Variants in FAT3 observed in about 807,000 individuals in gnomAD.
The protein encoded by FAT3 is FAT atypical cadherin 3, also known as protocadherin Fat 3.
In FAT3, 95 loss-of-function variants were observed where a neutral mutation model predicts 310.2. The observed-to-expected ratio is 0.31, with a 90% CI of 0.26 to 0.36. The LOEUF is 0.36. Among genes scored for constraint, FAT3 ranks in the 10% least tolerant of loss-of-function variants. The pLI, the probability that FAT3 is intolerant of heterozygous loss-of-function variation, is 1.00. For synonymous variants in FAT3, 2,314 were observed against 2,192.9 expected, an observed-to-expected ratio of 1.06 and a Z score of -1.54; for missense variants, 5,408 against 5,715.6, an observed-to-expected ratio of 0.95 and a Z score of 1.74.
chr11:92,676,148 C>T (rs184795517), intron 3 of FAT3, among the ~76,000 whole-genome samples: 18 of 152,210 alleles, frequency 1.2e-4, no homozygotes, highest in Admixed American at 7.8e-4. Flanking sequence ...ATTGTTGTTA[C>T]GTCTACTGTA....
chr11:92,799,313 G>A lies in FAT3; in HGVS notation c.6300G>A (p.Gly2100=), dbSNP rs1415582717. The change falls in exon 10 of 28, where the codon GGG becomes GGA. Residue 2100 remains glycine, a synonymous_variant. Transcript: ENST00000525166. ...YAAVQVDAEP[G]TLIYQVTAID... is the part of the protein sequence containing the mutation. ...CTGTTCAAGTGGATGCGGAACCCGG[G>A]ACTCTGATTTATCAGGTGACAGCCA... 1.9e-6 allele frequency: 3 copies of A among 1,613,874 alleles called. No homozygotes were observed. The highest frequency in any genetic ancestry group is 1.7e-4 in the Middle Eastern group (1 of 6,060).
At chr11:92,432,399 C>G (rs1040034657) in intron 2 of FAT3, among the ~76,000 whole-genome samples, 2 of 152,120 alleles carry the variant, frequency 1.3e-5, no homozygotes, top group African/African-American at 4.8e-5. Flanking sequence ...TGTGCTGAGA[C>G]GATGGAGTTT....
intron 2 of FAT3, among the ~76,000 whole-genome samples, chr11:92,441,955 C>A (rs960575385): frequency 1.3e-5 from 2 of 151,254 alleles, no homozygotes; most frequent in Non-Finnish European, 2.9e-5. Context: ...GACACGTTCA[C>A]GACTCAGGAG....
At position 92,344,845 on chromosome 11, in the gene FAT3, C is replaced by T. The variant is rs182189559; in HGVS notation, c.-17-7251C>T. ...CAGGCATTCACTGGGTGTCTTGAAA[C>T]GTACCCCCCTCAGATAAGGCTGGGG... is the stretch of plus-strand genomic sequence containing the variant. On this transcript the variant is annotated intron_variant, in intron 1 of 27. Transcript: ENST00000525166. Among the ~76,000 whole-genome samples the T allele has an allele frequency of 1.8e-4, 28 of 152,204 alleles. No individual in the cohort carries two copies. The East Asian group carries it at 3.1e-3, about 17-fold the overall frequency.
chr11:92,359,301 T>G (rs1232147073), intron 2 of FAT3, among the ~76,000 whole-genome samples: 1 of 152,208 alleles, frequency 6.6e-6, no homozygotes. Context: ...TCTTTTCTAG[T>G]CAAATTTTAC....
chr11:92,639,494 ATCTCTCTT>A (rs1450875098), intron 3 of FAT3, among the ~76,000 whole-genome samples: 2 of 151,534 alleles, frequency 1.3e-5, no homozygotes, highest in African/African-American at 4.9e-5. Flanking sequence ...CTCTCTCTCA[ATCTCTCTT>A]TCTCTCCTCC....
intron 13 of FAT3, among the ~76,000 whole-genome samples, 162 bp from the exon 14 acceptor site, chr11:92,831,460 C>T (rs1480551110): frequency 6.6e-6 from 1 of 151,824 alleles, no homozygotes; most frequent in Admixed American, 6.6e-5. Flanking sequence ...CTTTTTTTTC[C>T]CATAAACTGA....
chr11:92,678,480 C>T (rs1235690847), intron 3 of FAT3, among the ~76,000 whole-genome samples: 1 of 152,124 alleles, frequency 6.6e-6, no homozygotes, highest in African/African-American at 2.4e-5. Context: ...GGAGGTGGAG[C>T]CCTCATGATC....
intron 1 of FAT3, among the ~76,000 whole-genome samples, chr11:92,260,191 T>A (rs953106929): frequency 6.6e-6 from 1 of 152,134 alleles, no homozygotes; most frequent in East Asian, 1.9e-4. Context: ...AGTTTTGTTT[T>A]TGTTTCCTGT....
chr11:92,419,290 G>A (rs1363589920), intron 2 of FAT3, among the ~76,000 whole-genome samples: 1 of 152,110 alleles, frequency 6.6e-6, no homozygotes, highest in Non-Finnish European at 1.5e-5. Flanking sequence ...GATGTGCTAT[G>A]CTCCTATTTT....
chr11:92,382,218 A>T (rs1649909881), intron 2 of FAT3, among the ~76,000 whole-genome samples: 1 of 152,132 alleles, frequency 6.6e-6, no homozygotes, highest in African/African-American at 2.4e-5. Context: ...AATTTCCTCA[A>T]ATTTGAAAGT....
rs766548570 is a variant in FAT3 at position 92,797,897 on chromosome 11, A to G, written c.4884A>G (p.Glu1628=). ...PVLGIITICK[E]PDMTTMGQFV... ...TAGGCATCATCACCATTTGCAAAGAACCAGACATGACGACGATGGGTCAGT... is the reference window on the plus strand; with the variant it reads ...TAGGCATCATCACCATTTGCAAAGAGCCAGACATGACGACGATGGGTCAGT... Residue 1628 remains glutamate (E), a synonymous_variant, in exon 10 of 28, where the codon GAA becomes GAG. Transcript: ENST00000525166. 5 of 1,613,948 alleles carry G rather than the reference A, an allele frequency of 3.1e-6. 1 individual carries two copies. In the South Asian group the frequency reaches 5.5e-5, roughly 18 times the overall value.
At chr11:92,643,087 C>T (rs1232579803) in intron 3 of FAT3, among the ~76,000 whole-genome samples, 1 of 152,198 alleles carries the variant, frequency 6.6e-6, no homozygotes, top group Admixed American at 6.5e-5. Context: ...TATAACGAAG[C>T]CAAATCCCAA....
chr11:92,289,135 G>A (rs1946628905), intron 1 of FAT3, among the ~76,000 whole-genome samples: 1 of 152,064 alleles, frequency 6.6e-6, no homozygotes, highest in Non-Finnish European at 1.5e-5. Flanking sequence ...GCTCATCTAT[G>A]AGCAGGTGTT....
At chr11:92,570,102 G>C (rs1399037118) in intron 3 of FAT3, among the ~76,000 whole-genome samples, 2 of 152,190 alleles carry the variant, frequency 1.3e-5, no homozygotes, top group African/African-American at 4.8e-5. Context: ...GTAAAATTGA[G>C]CAATGGCTGT....
At chr11:92,499,033 C>T (rs1184488521) in intron 2 of FAT3, 1 of 151,754 alleles carries the variant, frequency 6.6e-6, no homozygotes, top group Admixed American at 6.6e-5. Flanking sequence ...TTTATTTTTT[C>T]AATTTTATAT....
chr11:92,507,735 A>G (rs528710893), intron 2 of FAT3, among the ~76,000 whole-genome samples: 6 of 148,374 alleles, frequency 4.0e-5, no homozygotes, highest in African/African-American at 1.6e-4. Flanking sequence ...ATGTACATAT[A>G]TAGGATACAT....
At position 92,307,442 on chromosome 11, in the gene FAT3, A is replaced by T. The variant is rs1947170418; in HGVS notation, c.-17-44654A>T. 2.0e-5 allele frequency among the ~76,000 whole-genome samples: 3 copies of T among 152,242 alleles called. No individual in the cohort carries two copies. The South Asian group carries it at 6.2e-4, about 32-fold the overall frequency. ...TTGTATGCAGACTGAAATTGAGCAC[A>T]TTTAGTCAGAAGATCAGATTTGCCT... On this transcript the variant is annotated intron_variant, in intron 1 of 27. Coordinates refer to ENST00000525166, the MANE Select transcript of FAT3 (RefSeq NM_001367949.2).
At position 92,685,982 on chromosome 11, in the gene FAT3, CAT is replaced by C. The variant is rs1449028621; in HGVS notation, c.3608-11399_3608-11398del. Among the ~76,000 whole-genome samples, 5 of 152,250 alleles carry C rather than the reference CAT, an allele frequency of 3.3e-5. No individual in the cohort carries two copies. In the East Asian group the frequency reaches 9.6e-4, roughly 29 times the overall value. On this transcript the variant is annotated intron_variant, in intron 3 of 27. Coordinates refer to ENST00000525166, the MANE Select transcript of FAT3 (RefSeq NM_001367949.2). ...ACTTAAGTTTATATGGGAAAAATAT[CAT>C]ATGTTACCCCTAGTGATGAAGAGAT...
Sources: gnomAD v4.1 joint callset for allele counts (sites outside exome capture counted in the v4.1 genomes callset) on GRCh38, gnomAD v4.1.1 for gene constraint, MANE v1.5 for transcripts, NCBI Gene and HGNC (gene_info 2026-07-23, HGNC 2026-07-21) for gene names.